Variants in FANK1 observed in about 807,000 individuals in gnomAD.
FANK1 encodes fibronectin type III and ankyrin repeat domains 1, also known as fibronectin type 3 and ankyrin repeat domains protein 1.
Under a neutral mutation model 45.3 loss-of-function variants are expected in FANK1, and 44 were observed. The ratio of observed to expected loss-of-function variants is 0.97; its 90% CI spans 0.76 to 1.25. The LOEUF (loss-of-function observed/expected upper bound fraction) is 1.25, where lower values mean the gene tolerates loss of function less well. Among genes scored for constraint, FANK1 ranks in the 50% most tolerant of loss-of-function variants. The pLI is 0.00. For missense variants in FANK1, 391 were observed against 424.4 expected (o/e 0.92, Z 0.69); for synonymous variants, 149 against 152.5 (o/e 0.98, Z 0.17).
chr10:125,905,055 C>G (rs76535296), intron 1 of FANK1, among the ~76,000 whole-genome samples: 1 of 112,752 alleles, frequency 8.9e-6, no homozygotes, highest in Admixed American at 9.4e-5. Context: ...GGTGTGAACC[C>G]GGGAGGCGGA....
chr10:125,937,118 GT>G (rs2134148975), intron 1 of FANK1, among the ~76,000 whole-genome samples: 1 of 152,230 alleles, frequency 6.6e-6, no homozygotes, highest in Non-Finnish European at 1.5e-5. Context: ...GTACATGTTT[GT>G]TGGTAAACAT....
At chr10:126,009,165 T>C in intron 9 of FANK1, 34 bp downstream of exon 9, 1 of 1,614,140 alleles carries the variant, frequency 6.2e-7, no homozygotes, top group South Asian at 1.1e-5. Flanking sequence ...AAGATTTTCC[T>C]CGGAGGGGGA....
rs1953496732 is a variant in FANK1 at position 126,009,394 on chromosome 10, GA to G, written c.997del (p.Arg333GlyfsTer28). 5 of 1,613,362 alleles carry G rather than the reference GA, an allele frequency of 3.1e-6. No individual in the cohort carries two copies. The African/African-American group carries it at 5.3e-5, about 17-fold the overall frequency. On this transcript the variant is annotated frameshift_variant, in exon 11 of 11. Transcript: ENST00000368693. LOFTEE classifies it high-confidence loss of function. ...DRQSVVSLLE[E>X]RKKKQRPKKS... ...CTAGAGTGTAGTCTCCTTATTAGAA[GA>G]AAGGAAAAAAAAGCAGAGGCCAAAG...
chr10:125,970,329 G>C (rs1006807624), intron 1 of FANK1, among the ~76,000 whole-genome samples: 4 of 151,588 alleles, frequency 2.6e-5, no homozygotes, highest in African/African-American at 9.7e-5. Flanking sequence ...GGGCGGAGGC[G>C]CTCCTCACCT....
At chr10:125,947,327 T>C (rs2134161486) in intron 1 of FANK1, among the ~76,000 whole-genome samples, 1 of 150,008 alleles carries the variant, frequency 6.7e-6, no homozygotes, top group African/African-American at 2.4e-5. Context: ...GCAAATTGGA[T>C]AAAGAGTCAA....
At chr10:125,997,862 C>A (rs1370060070) in intron 6 of FANK1, among the ~76,000 whole-genome samples, 1 of 152,256 alleles carries the variant, frequency 6.6e-6, no homozygotes, top group Non-Finnish European at 1.5e-5. Flanking sequence ...CGCTGCATTT[C>A]AGCCTCATTC....
chr10:126,004,549 C>T (rs776663937), intron 6 of FANK1: 25 of 229,292 alleles, frequency 1.1e-4, no homozygotes, highest in Non-Finnish European at 9.6e-5. Flanking sequence ...CGCAGGCAAC[C>T]GCTCACCTGC....
Position 125,997,441 on chromosome 10 carries a change from T to G in FANK1, c.495T>G (p.Ser165=). 6.2e-7 allele frequency: 1 copy of G among 1,613,948 alleles called. No homozygotes were observed. The highest frequency in any genetic ancestry group is 1.1e-5 in the South Asian group (1 of 91,034). ...TTAGGCTTGTGAAAATCCTAGTTTCTAATGGCACAGACGTGAATCTGAAGA... is the reference window on the plus strand; with the variant it reads ...TTAGGCTTGTGAAAATCCTAGTTTCGAATGGCACAGACGTGAATCTGAAGA... The part of the protein sequence containing the change: ...GYTRLVKILV[S]NGTDVNLKNG... The change falls in exon 6 of 11, where the codon TCT becomes TCG. Residue 165 remains serine (S), a synonymous_variant. Coordinates refer to ENST00000368693, the MANE Select transcript of FANK1 (RefSeq NM_145235.5).
At chr10:125,997,288 G>C (rs1194899045) in intron 5 of FANK1, 132 bp from the exon 6 acceptor site, 2 of 553,950 alleles carry the variant, frequency 3.6e-6, no homozygotes, top group Non-Finnish European at 6.1e-6. Flanking sequence ...AAACCAGCTG[G>C]CTTCTGAAGG....
chr10:126,009,350 GC>G, intron 10 of FANK1, 22 bp from the exon 11 acceptor site: 1 of 1,613,856 alleles, frequency 6.2e-7, no homozygotes, highest in Non-Finnish European at 8.5e-7. Flanking sequence ...GATTACATTC[GC>G]CTGTCTGTTT....
chr10:125,978,607 C>G (rs113864770), intron 1 of FANK1, among the ~76,000 whole-genome samples: 4 of 152,178 alleles, frequency 2.6e-5, no homozygotes, highest in Non-Finnish European at 5.9e-5. Context: ...GGCCACGTTT[C>G]GGTAGAGCAG....
intron 3 of FANK1, 191 bp downstream of exon 3, chr10:125,988,866 T>G (rs910787337): frequency 1.4e-5 from 12 of 863,296 alleles, no homozygotes; most frequent in Admixed American, 6.2e-5. Context: ...AATTATGCTT[T>G]CACAAACTGG....
Position 125,988,661 on chromosome 10 carries a change from C to T in FANK1, c.302C>T (p.Ser101Leu), listed in dbSNP as rs151188946. The change falls in exon 3 of 11, where the codon TCA (serine) becomes TTA (leucine). Residue 101 changes from serine (S) to leucine (L), a missense_variant. Physicochemically the swap from Ser to Leu is moderately radical, Grantham distance 145. Transcript: ENST00000368693. ...GAGTGTGAGTACAGCCCACTCGTCT[C>T]AGTGTCTACAACCAGTGAGTATTCA... ...SGECEYSPLV[S>L]VSTTREPISS... is the part of the protein sequence containing the mutation. 11 of 1,614,198 alleles carry T rather than the reference C, an allele frequency of 6.8e-6. No individual in the cohort carries two copies. The highest frequency in any genetic ancestry group is 1.3e-5 in the African/African-American group (1 of 75,054).
intron 1 of FANK1, among the ~76,000 whole-genome samples, chr10:125,964,423 C>T (rs1227520253): frequency 6.6e-6 from 1 of 151,950 alleles, no homozygotes; most frequent in Non-Finnish European, 1.5e-5. Context: ...GAACTCCTGA[C>T]CTCAAGTGAT....
intron 1 of FANK1, among the ~76,000 whole-genome samples, chr10:125,961,730 G>C (rs922445442): frequency 2.0e-5 from 3 of 152,158 alleles, no homozygotes; most frequent in Non-Finnish European, 4.4e-5. Flanking sequence ...CAAATCACTT[G>C]AGCTCAGGAG....
In FANK1 at chr10:125,981,826, G is replaced by A. The variant is rs192265019; in HGVS notation, c.191+1488G>A. 2.6e-5 allele frequency among the ~76,000 whole-genome samples: 4 copies of A among 152,252 alleles called. No homozygotes were observed. In the East Asian group the frequency reaches 7.7e-4, roughly 29 times the overall value. ...TGCAGAACAGGTTCATCACTTTCCTGGCCTTTTCTCAAGTTTGCATTGTGA... is the reference window on the plus strand; with the variant it reads ...TGCAGAACAGGTTCATCACTTTCCTAGCCTTTTCTCAAGTTTGCATTGTGA... On this transcript the variant is annotated intron_variant, in intron 2 of 10. Transcript: ENST00000368693.
chr10:125,960,149 A>G (rs1198812276), intron 1 of FANK1: 2 of 169,830 alleles, frequency 1.2e-5, no homozygotes, highest in East Asian at 3.2e-4. Context: ...GCAGTCATTT[A>G]TCACTTTGTA....
chr10:125,937,912 A>G (rs1564890967), intron 1 of FANK1, among the ~76,000 whole-genome samples: 12 of 152,206 alleles, frequency 7.9e-5, no homozygotes. Flanking sequence ...AACCACGCTA[A>G]TGTTGTACCG....
chr10:125,901,364 C>A (rs1945020393), intron 1 of FANK1, among the ~76,000 whole-genome samples: 2 of 152,320 alleles, frequency 1.3e-5, no homozygotes, highest in South Asian at 4.1e-4. Flanking sequence ...CTCCGTACTC[C>A]AAGCTACCAT....
Sources: allele counts gnomAD v4.1 joint callset (sites outside exome capture counted in the v4.1 genomes callset), GRCh38; gene constraint gnomAD v4.1.1; transcripts MANE v1.5; gene names NCBI Gene and HGNC (gene_info 2026-07-23, HGNC 2026-07-21).